WDPCP: variants seen among roughly 807,000 people sequenced by gnomAD.
WDPCP encodes the protein WD repeat containing planar cell polarity effector.
In WDPCP, 71 loss-of-function variants were observed where a neutral mutation model predicts 93.1. The observed-to-expected ratio is 0.76, with a 90% CI of 0.63 to 0.93. The LOEUF is 0.93. WDPCP is among the 40% of genes least tolerant of loss of function. The pLI, the probability that WDPCP is intolerant of heterozygous loss-of-function variation, is 0.00. For synonymous variants in WDPCP, 315 were observed against 315.0 expected (o/e 1.00, Z 0.00); for missense variants, 844 against 887.4 (o/e 0.95, Z 0.62).
chr2:63,183,872 ATGAC>A (rs1006754368), intron 14 of WDPCP, among the ~76,000 whole-genome samples: 87 of 152,204 alleles, frequency 5.7e-4, no homozygotes, highest in African/African-American at 1.9e-3. Context: ...ACATTATATA[ATGAC>A]TGACTTTGTC....
intron 13 of WDPCP, among the ~76,000 whole-genome samples, chr2:63,296,746 G>C (rs957893624): frequency 7.2e-5 from 11 of 152,074 alleles, no homozygotes; most frequent in Non-Finnish European, 1.5e-4. Flanking sequence ...GGATGTGAAA[G>C]ATCTCTACAA....
chr2:63,771,256 ATAT>A (rs1376119095), intron 2 of WDPCP, among the ~76,000 whole-genome samples: 2 of 151,858 alleles, frequency 1.3e-5, no homozygotes, highest in African/African-American at 4.8e-5. Flanking sequence ...AAATAATAAA[ATAT>A]TATAAACATC....
chr2:63,808,701 C>T (rs1670810176), intron 2 of WDPCP, among the ~76,000 whole-genome samples: 2 of 152,342 alleles, frequency 1.3e-5, no homozygotes, highest in Admixed American at 6.5e-5. Context: ...ACAACCTCCA[C>T]CTCCCAGCCG....
At chr2:63,272,537 C>A (rs1169221273) in intron 13 of WDPCP, among the ~76,000 whole-genome samples, 2 of 151,964 alleles carry the variant, frequency 1.3e-5, no homozygotes, top group African/African-American at 4.8e-5. Flanking sequence ...AAAGAGGATT[C>A]AAAATAAAAA....
chr2:63,453,284 G>C (rs1660463728), intron 6 of WDPCP, among the ~76,000 whole-genome samples: 1 of 152,114 alleles, frequency 6.6e-6, no homozygotes, highest in African/African-American at 2.4e-5. Flanking sequence ...GTGGGCAAAG[G>C]ATATGAACCG....
chr2:63,161,239 C>T (rs1478336947), intron 15 of WDPCP, among the ~76,000 whole-genome samples: 2 of 152,160 alleles, frequency 1.3e-5, no homozygotes, highest in East Asian at 3.8e-4. Context: ...TTCAGTTGTG[C>T]AGGAAACACC....
chr2:63,304,328 C>A, intron 13 of WDPCP, among the ~76,000 whole-genome samples: 1 of 148,634 alleles, frequency 6.7e-6, no homozygotes, highest in Non-Finnish European at 1.5e-5. Flanking sequence ...GTCTGCAGCT[C>A]CCAGTGAGAT....
At chr2:63,654,963 A>C (rs528936908) in intron 2 of WDPCP, among the ~76,000 whole-genome samples, 19 of 152,246 alleles carry the variant, frequency 1.2e-4, no homozygotes, top group Non-Finnish European at 2.4e-4. Context: ...CTCATGCCTG[A>C]GCCCACTCAT....
intron 12 of WDPCP, among the ~76,000 whole-genome samples, chr2:63,319,141 T>C (rs1423741508): frequency 6.6e-6 from 1 of 152,212 alleles, no homozygotes; most frequent in Non-Finnish European, 1.5e-5. Flanking sequence ...TGTCGATTTT[T>C]GTTTTTGTTG....
chr2:63,583,010 T>C (rs1159723330), intron 1 of WDPCP, among the ~76,000 whole-genome samples: 1 of 152,170 alleles, frequency 6.6e-6, no homozygotes, highest in Non-Finnish European at 1.5e-5. Flanking sequence ...ACCATATTGA[T>C]GAATATTTAA....
At chr2:63,829,851 T>G (rs1424336464), upstream of WDPCP, among the ~76,000 whole-genome samples, 1 of 152,130 alleles carries the variant, frequency 6.6e-6, no homozygotes, top group African/African-American at 2.4e-5. Flanking sequence ...TACATCTTAT[T>G]CACTGCAGAA....
At chr2:63,340,785 C>A (rs1688779280) in intron 12 of WDPCP, among the ~76,000 whole-genome samples, 1 of 152,078 alleles carries the variant, frequency 6.6e-6, no homozygotes, top group Non-Finnish European at 1.5e-5. Flanking sequence ...TGGTAGAAAT[C>A]TCACCGTTGT....
intron 13 of WDPCP, among the ~76,000 whole-genome samples, chr2:63,300,635 T>C (rs755943169): frequency 3.3e-5 from 5 of 152,222 alleles, no homozygotes; most frequent in Non-Finnish European, 7.3e-5. Flanking sequence ...TCTTATCCTG[T>C]GTATGAAATA....
At chr2:63,444,364 G>A (rs917923569) in intron 6 of WDPCP, among the ~76,000 whole-genome samples, 1 of 152,118 alleles carries the variant, frequency 6.6e-6, no homozygotes, top group African/African-American at 2.4e-5. Flanking sequence ...GCATAGAGTT[G>A]CCAAATACTG....
At chr2:63,236,354 C>T (rs956040460) in intron 14 of WDPCP, among the ~76,000 whole-genome samples, 2 of 152,182 alleles carry the variant, frequency 1.3e-5, no homozygotes, top group African/African-American at 4.8e-5. Flanking sequence ...GAAAAACTTC[C>T]ATGTGCATGG....
At chr2:63,209,354 G>T (rs1365481155) in intron 14 of WDPCP, among the ~76,000 whole-genome samples, 1 of 152,182 alleles carries the variant, frequency 6.6e-6, no homozygotes, top group Non-Finnish European at 1.5e-5. Context: ...ATCCATTCAT[G>T]CGTGTCACTA....
At chr2:63,268,361 G>C (rs935022260) in intron 13 of WDPCP, among the ~76,000 whole-genome samples, 29 of 152,084 alleles carry the variant, frequency 1.9e-4, no homozygotes, top group African/African-American at 6.3e-4. Context: ...AACATACAAA[G>C]TTTCAGTTAG....
At chr2:63,290,458 A>G (rs1684328385) in intron 13 of WDPCP, among the ~76,000 whole-genome samples, 1 of 137,604 alleles carries the variant, frequency 7.3e-6, no homozygotes, top group African/African-American at 2.8e-5. Flanking sequence ...ATACTAAAGA[A>G]ATTTTAAAAT....
At chr2:63,170,096 G>A (rs796416344) in intron 15 of WDPCP, among the ~76,000 whole-genome samples, 82 of 150,780 alleles carry the variant, frequency 5.4e-4, no homozygotes, top group African/African-American at 1.8e-3. Context: ...GTCTCGCTAT[G>A]TTGCCCAGGC....
Sources: allele counts gnomAD v4.1 joint callset (sites outside exome capture counted in the v4.1 genomes callset), GRCh38; gene constraint gnomAD v4.1.1; transcripts MANE v1.5; gene names NCBI Gene and HGNC (gene_info 2026-07-23, HGNC 2026-07-21).